Variants in OTOGL observed in about 807,000 individuals in gnomAD.
OTOGL encodes the protein otogelin-like protein.
In OTOGL, 285 loss-of-function variants were observed where a neutral mutation model predicts 318.5. The ratio of observed to expected loss-of-function variants is 0.89; its 90% CI spans 0.81 to 0.99. OTOGL has a LOEUF of 0.99. Ranked by LOEUF, OTOGL falls within the 50% of genes least tolerant of loss-of-function variation. The probability of loss-of-function intolerance (pLI) is 0.00; values close to 1 mark genes in which losing one functional copy is unlikely to be tolerated. For missense variants in OTOGL, 2,899 were observed against 2,845.6 expected, an observed-to-expected ratio of 1.02 and a Z score of -0.43; for synonymous variants, 987 against 936.5, an observed-to-expected ratio of 1.05 and a Z score of -0.99.
At chr12:80,184,427 G>A (rs1195382348) in intron 1 of OTOGL, among the ~76,000 whole-genome samples, 1 of 152,120 alleles carries the variant, frequency 6.6e-6, no homozygotes, top group Admixed American at 6.5e-5. Context: ...AGTAAAAGAC[G>A]TATTTTTTTC....
chr12:80,285,343 A>G (rs1242947036), intron 26 of OTOGL, among the ~76,000 whole-genome samples: 1 of 152,086 alleles, frequency 6.6e-6, no homozygotes, highest in Non-Finnish European at 1.5e-5. Flanking sequence ...TTTGCTTAGT[A>G]TTATCTTGGC....
intron 11 of OTOGL, among the ~76,000 whole-genome samples, chr12:80,239,673 C>T (rs944283129): frequency 2.6e-5 from 4 of 152,012 alleles, no homozygotes; most frequent in South Asian, 2.1e-4. Flanking sequence ...TTAATACATT[C>T]GTGTAATCAA....
intron 1 of OTOGL, among the ~76,000 whole-genome samples, chr12:80,122,336 CAT>C (rs1400952343): frequency 7.2e-5 from 11 of 152,090 alleles, no homozygotes; most frequent in Non-Finnish European, 1.5e-4. Context: ...ACCATTATGA[CAT>C]ACTGGAATAA....
chr12:80,178,834 A>G (rs1262192633), intron 1 of OTOGL, among the ~76,000 whole-genome samples: 1 of 152,150 alleles, frequency 6.6e-6, no homozygotes, highest in East Asian at 1.9e-4. Context: ...ATCTTTTGCC[A>G]TTTGTACATT....
intron 54 of OTOGL, among the ~76,000 whole-genome samples, 170 bp downstream of exon 54, chr12:80,367,909 G>T (rs928591808): frequency 2.0e-5 from 3 of 152,044 alleles, no homozygotes; most frequent in Non-Finnish European, 2.9e-5. Context: ...TCACTTTCCT[G>T]TGCATAACCT....
intron 24 of OTOGL, among the ~76,000 whole-genome samples, chr12:80,276,867 A>G (rs1883847383): frequency 1.3e-5 from 2 of 151,654 alleles, no homozygotes; most frequent in Non-Finnish European, 3.0e-5. Context: ...TGGACAGCAT[A>G]TACACTGAAT....
chr12:80,300,353 A>G, intron 27 of OTOGL, among the ~76,000 whole-genome samples: 1 of 151,800 alleles, frequency 6.6e-6, no homozygotes, highest in Non-Finnish European at 1.5e-5. Flanking sequence ...AGTCCAACTC[A>G]TCCTGCCTGT....
chr12:80,335,441 C>T (rs905138055), intron 38 of OTOGL, among the ~76,000 whole-genome samples: 1 of 151,952 alleles, frequency 6.6e-6, no homozygotes, highest in African/African-American at 2.4e-5. Flanking sequence ...AAATCTACCA[C>T]TTATTTATTT....
At chr12:80,359,265 G>T (rs1890101358) in intron 52 of OTOGL, among the ~76,000 whole-genome samples, 1 of 152,086 alleles carries the variant, frequency 6.6e-6, no homozygotes, top group African/African-American at 2.4e-5. Flanking sequence ...AGAGGAGAAG[G>T]GGGTATAAAC....
At chr12:80,267,464 C>A (rs1002076494) in intron 22 of OTOGL, 137 bp downstream of exon 22, 3 of 286,972 alleles carry the variant, frequency 1.0e-5, no homozygotes, top group African/African-American at 6.9e-5. Context: ...AGGTTTGTTA[C>A]GTATGTATAC....
At chr12:80,209,644 C>T (rs1411643827) in intron 2 of OTOGL, 134 bp downstream of exon 2, 4 of 482,600 alleles carry the variant, frequency 8.3e-6, no homozygotes, top group East Asian at 3.3e-5. Flanking sequence ...CTCAGATCAC[C>T]TTTTAAAAAA....
rs570468029 is a variant in OTOGL at position 80,303,093 on chromosome 12, C to T, written c.3213+310C>T. ...AATTAGATTCAGTTCTTACAAACTGCGTTCCATGTTTTCCTCCACATTCTG... is the reference window on the plus strand; with the variant it reads ...AATTAGATTCAGTTCTTACAAACTGTGTTCCATGTTTTCCTCCACATTCTG... On this transcript the variant is annotated intron_variant, in intron 28 of 58. Transcript: ENST00000547103. Among the ~76,000 whole-genome samples, 9 of 152,246 alleles carry T rather than the reference C, an allele frequency of 5.9e-5. No individual in the cohort carries two copies. In the East Asian group the frequency reaches 7.7e-4, roughly 13 times the overall value.
intron 26 of OTOGL, among the ~76,000 whole-genome samples, chr12:80,282,295 A>G (rs1206893661): frequency 6.6e-6 from 1 of 151,968 alleles, no homozygotes; most frequent in African/African-American, 2.4e-5. Context: ...AGCCTAAGTC[A>G]AGAAAACAGA....
At chr12:80,352,483 C>T in intron 45 of OTOGL, 47 bp downstream of exon 45, 1 of 1,419,834 alleles carries the variant, frequency 7.0e-7, no homozygotes, top group South Asian at 1.5e-5. Flanking sequence ...ATAAATTTCA[C>T]TTTTGCAATC....
chr12:80,306,891 G>C (rs375852795), intron 29 of OTOGL, among the ~76,000 whole-genome samples: 15 of 150,910 alleles, frequency 9.9e-5, no homozygotes, highest in East Asian at 3.9e-4. Flanking sequence ...ATAGTGGAGG[G>C]AAGGTCAGCA....
At chr12:80,140,385 G>A (rs981590476) in intron 1 of OTOGL, among the ~76,000 whole-genome samples, 1 of 152,184 alleles carries the variant, frequency 6.6e-6, no homozygotes, top group Non-Finnish European at 1.5e-5. Flanking sequence ...TGCTTTTGAT[G>A]TCTGCTTTGT....
rs1295852411 is a variant in OTOGL at position 80,353,473 on chromosome 12, G to A, written c.5556G>A (p.Arg1852=). The change falls in exon 46 of 59, where the codon AGG becomes AGA. Residue 1852 remains arginine, a synonymous_variant. Transcript: ENST00000547103. ...GCAAAGTTGGAACTATTCTTCACAGGCCACATTCAGCCCAGTGCATTCCAG... is the reference window on the plus strand; with the variant it reads ...GCAAAGTTGGAACTATTCTTCACAGACCACATTCAGCCCAGTGCATTCCAG... ...CVCKVGTILH[R]PHSAQCIPEK... 2 of 1,598,426 alleles carry A rather than the reference G, an allele frequency of 1.3e-6. No homozygotes were observed. The highest frequency in any genetic ancestry group is 1.7e-6 in the Non-Finnish European group (2 of 1,171,888).
At chr12:80,130,306 A>G (rs1871160244) in intron 1 of OTOGL, among the ~76,000 whole-genome samples, 2 of 152,214 alleles carry the variant, frequency 1.3e-5, no homozygotes, top group Admixed American at 1.3e-4. Flanking sequence ...GCAAAGATGC[A>G]GAGAAAACAC....
At position 80,337,024 on chromosome 12, in the gene OTOGL, AT is replaced by A; in HGVS notation, c.4860+26del. ...AGAAAGGTAAGAATACAAAGTTAAA[AT>A]TTTTTCTCACATTAGATGAAAATAA... On this transcript the variant is annotated intron_variant, in intron 42 of 58. Coordinates refer to ENST00000547103, the MANE Select transcript of OTOGL (RefSeq NM_001378609.3). 6.6e-7 allele frequency: 1 copy of A among 1,504,826 alleles called. No homozygotes were observed. Among genetic ancestry groups the A allele is most frequent in the Non-Finnish European group, 9.0e-7 (1 of 1,105,594 alleles). The allele number at this position is 1,504,826 out of a possible 1,614,324, so 93.2% of individuals were successfully genotyped here.
Sources: allele counts gnomAD v4.1 joint callset (sites outside exome capture counted in the v4.1 genomes callset), GRCh38; gene constraint gnomAD v4.1.1; transcripts MANE v1.5; gene names NCBI Gene and HGNC (gene_info 2026-07-23, HGNC 2026-07-21).